Variants in PRTG observed in about 807,000 individuals in gnomAD.
PRTG encodes the protein protogenin, also known as immunoglobulin superfamily, DCC subclass, member 5.
Under a neutral mutation model 122.5 loss-of-function variants are expected in PRTG, and 67 were observed. The observed-to-expected ratio is 0.55, with a 90% CI of 0.45 to 0.67. The LOEUF (loss-of-function observed/expected upper bound fraction) is 0.67. Ranked by LOEUF, PRTG falls within the 30% of genes least tolerant of loss-of-function variation. The pLI is 0.00. For missense variants in PRTG, 1,435 were observed against 1,415.4 expected, an observed-to-expected ratio of 1.01 and a Z score of -0.22; for synonymous variants, 554 against 501.1, an observed-to-expected ratio of 1.11 and a Z score of -1.41.
chr15:55,649,200 T>C (rs1158214308), intron 11 of PRTG, among the ~76,000 whole-genome samples: 1 of 152,184 alleles, frequency 6.6e-6, no homozygotes, highest in Admixed American at 6.5e-5. Flanking sequence ...ACATTCCTAA[T>C]GACTCAGTGC....
At chr15:55,700,415 T>C in intron 2 of PRTG, among the ~76,000 whole-genome samples, 1 of 152,082 alleles carries the variant, frequency 6.6e-6, no homozygotes, top group East Asian at 1.9e-4. Context: ...AGGCAAACAG[T>C]TTTTATATAT....
chr15:55,670,173 T>C (rs2059461212), intron 11 of PRTG, among the ~76,000 whole-genome samples: 3 of 152,158 alleles, frequency 2.0e-5, no homozygotes, highest in African/African-American at 7.2e-5. Context: ...TATGTATCTG[T>C]AGAAAATTTT....
chr15:55,689,944 GTAGT>G (rs2059591554), intron 2 of PRTG, among the ~76,000 whole-genome samples: 1 of 151,234 alleles, frequency 6.6e-6, no homozygotes, highest in Admixed American at 6.6e-5. Context: ...AAAAAAAAGA[GTAGT>G]TAGGCATCAA....
In PRTG at chr15:55,743,055, G is replaced by T. The variant is rs943379405; in HGVS notation, c.-124C>A. On this transcript the variant is annotated 5_prime_UTR_variant, in exon 1 of 20. Transcript: ENST00000389286. The stretch of plus-strand genomic sequence containing the variant: ...CAGCCTGGCTCCCCGCTCCGGCTCC[G>T]GCACCGGCGTGGCGAGCGTCTCTGC... 11 of 1,307,344 alleles carry T rather than the reference G, an allele frequency of 8.4e-6. No homozygotes were observed. In the South Asian group the frequency reaches 2.5e-4, roughly 30 times the overall value. The allele number at this position is 1,307,344 out of a possible 1,614,324, so 81.0% of individuals were successfully genotyped here.
intron 6 of PRTG, 166 bp downstream of exon 6, chr15:55,679,887 CA>C: frequency 1.7e-6 from 1 of 598,730 alleles, no homozygotes; most frequent in Non-Finnish European, 2.9e-6. Flanking sequence ...AATGATTCTA[CA>C]GTTATATTTT....
At chr15:55,665,319 G>A (rs545698522) in intron 11 of PRTG, among the ~76,000 whole-genome samples, 15 of 152,028 alleles carry the variant, frequency 9.9e-5, no homozygotes, top group East Asian at 1.9e-4. Flanking sequence ...TTACCCTTAC[G>A]TGTTAAAACA....
chr15:55,702,266 T>G (rs1367544675), intron 2 of PRTG, among the ~76,000 whole-genome samples: 1 of 152,188 alleles, frequency 6.6e-6, no homozygotes, highest in Non-Finnish European at 1.5e-5. Flanking sequence ...TAGTCCTGAT[T>G]TTCCCAAGTA....
Position 55,620,720 on chromosome 15 carries a change from G to T in PRTG, c.3141C>A (p.Asn1047Lys). Residue 1047 changes from asparagine (N) to lysine (K), a missense_variant, in exon 19 of 20, where the codon AAC becomes AAA. Transcript: ENST00000389286. ...AAAAAAACCACTTTTTCTTAGAGTT[G>T]TTTTTAATTATAGGACCATAGCTAT... ...IINSYGPIIK[N>K]NSKKKWFFFQ... 6.2e-7 allele frequency: 1 copy of T among 1,602,342 alleles called. No individual in the cohort carries two copies. The highest frequency in any genetic ancestry group is 1.8e-5 in the Admixed American group (1 of 56,444).
At chr15:55,706,582 CAAAAAAAAAA>C (rs59227432) in intron 2 of PRTG, among the ~76,000 whole-genome samples, 2 of 99,290 alleles carry the variant, frequency 2.0e-5, no homozygotes, top group East Asian at 2.4e-4. Context: ...TTGTCTCTAC[CAAAAAAAAAA>C]AAAAAAAAAA....
intron 2 of PRTG, among the ~76,000 whole-genome samples, chr15:55,714,262 T>C (rs1455268511): frequency 6.6e-6 from 1 of 151,276 alleles, no homozygotes; most frequent in Non-Finnish European, 1.5e-5. Flanking sequence ...TCTTGCTCTG[T>C]TGCCCAGGCT....
In PRTG at chr15:55,682,494, T is replaced by G. The variant is rs778146410; in HGVS notation, c.546A>C (p.Ile182=). The change falls in exon 4 of 20, where the codon ATA becomes ATC. Residue 182 remains isoleucine (I), a synonymous_variant. Coordinates refer to ENST00000389286, the MANE Select transcript of PRTG (RefSeq NM_173814.6). ...GCAATACTCCTGTTGGTAGGGCAGT[T>G]ATCCTGTTATGAGAGAAAGATAATT... ...RTTLPMTMDR[I]TALPTGVLQI... 1 of 1,507,942 alleles carries G rather than the reference T, an allele frequency of 6.6e-7. No homozygotes were observed. The highest frequency in any genetic ancestry group is 1.4e-5 in the South Asian group (1 of 72,120). The allele number at this position is 1,507,942 out of a possible 1,614,324, so 93.4% of individuals were successfully genotyped here.
chr15:55,725,356 T>A (rs2030986924), intron 2 of PRTG, among the ~76,000 whole-genome samples: 1 of 151,654 alleles, frequency 6.6e-6, no homozygotes, highest in African/African-American at 2.4e-5. Context: ...ACAAAAGAAG[T>A]TAGGAATGCT....
chr15:55,679,950 A>T, intron 6 of PRTG, 104 bp downstream of exon 6: 1 of 819,090 alleles, frequency 1.2e-6, no homozygotes, highest in Non-Finnish European at 1.9e-6. Context: ...ACAATACTTC[A>T]TATCAATGCT....
rs35692279 is a variant in PRTG at position 55,657,905 on chromosome 15, C to G, written c.2041+14540G>C. On this transcript the variant is annotated intron_variant, in intron 11 of 19. Coordinates refer to ENST00000389286, the MANE Select transcript of PRTG (RefSeq NM_173814.6). The stretch of plus-strand genomic sequence containing the variant: ...GAAACATTTATAAAATTCAGACAAG[C>G]CAAAAAAAGGAAATAAAAATAAAAG... 4.3e-3 allele frequency among the ~76,000 whole-genome samples: 655 copies of G among 151,930 alleles called. 2 individuals carry two copies. The highest frequency in any genetic ancestry group is 0.011 in the Admixed American group (165 of 15,256).
At chr15:55,686,689 A>C (rs1265865459) in intron 2 of PRTG, among the ~76,000 whole-genome samples, 1 of 152,176 alleles carries the variant, frequency 6.6e-6, no homozygotes, top group African/African-American at 2.4e-5. Flanking sequence ...CTGCTGAATT[A>C]ATTATTCCCT....
intron 17 of PRTG, among the ~76,000 whole-genome samples, chr15:55,625,037 A>G (rs1342421077): frequency 2.0e-5 from 3 of 152,368 alleles, no homozygotes; most frequent in Non-Finnish European, 2.9e-5. Context: ...GTATGTTTCC[A>G]TGTAGAGCTA....
chr15:55,639,674 C>A lies in PRTG; in HGVS notation c.2292G>T (p.Leu764=). The stretch of plus-strand genomic sequence containing the variant: ...GGTACAGAACCAAAGAAGCATTCTG[C>A]AGGCCAACAGGATTACAGCGGATGG... ...NYTIRCNPVG[L]QNASLVLYLQ... The change falls in exon 13 of 20, where the codon CTG becomes CTT. Residue 764 remains leucine (L), a synonymous_variant. Coordinates refer to ENST00000389286, the MANE Select transcript of PRTG (RefSeq NM_173814.6). 4 of 1,614,034 alleles carry A rather than the reference C, an allele frequency of 2.5e-6. No homozygotes were observed. In the South Asian group the frequency reaches 3.3e-5, roughly 13 times the overall value.
chr15:55,625,242 C>G (rs992553661), intron 17 of PRTG, among the ~76,000 whole-genome samples: 3 of 151,944 alleles, frequency 2.0e-5, no homozygotes, highest in African/African-American at 7.3e-5. Context: ...AAAATTTAGC[C>G]AAAGTCAATC....
At chr15:55,695,427 A>G (rs2059626626) in intron 2 of PRTG, among the ~76,000 whole-genome samples, 1 of 152,256 alleles carries the variant, frequency 6.6e-6, no homozygotes, top group Non-Finnish European at 1.5e-5. Flanking sequence ...AACTGCAGAG[A>G]AAATATTATT....
Sources: allele counts gnomAD v4.1 joint callset (sites outside exome capture counted in the v4.1 genomes callset), GRCh38; gene constraint gnomAD v4.1.1; transcripts MANE v1.5; gene names NCBI Gene and HGNC (gene_info 2026-07-23, HGNC 2026-07-21).